ZNF423: variants seen among roughly 807,000 people sequenced by gnomAD.
ZNF423 encodes the protein zinc finger protein 423.
ZNF423 carries 12 observed loss-of-function variants against 95.8 expected under a neutral mutation model. The ratio of observed to expected loss-of-function variants is 0.13; its 90% CI spans 0.08 to 0.20. The LOEUF (loss-of-function observed/expected upper bound fraction) is 0.20, where lower values mean the gene tolerates loss of function less well. Ranked by LOEUF, ZNF423 falls within the 10% of genes least tolerant of loss-of-function variation. ZNF423 has a pLI of 1.00. For missense variants in ZNF423, 1,316 were observed against 1,737.1 expected (o/e 0.76, Z 4.31); for synonymous variants, 749 against 711.9 (o/e 1.05, Z -0.83).
chr16:49,638,972 T>G lies in ZNF423; in HGVS notation c.302-98A>C. The G allele has an allele frequency of 3.4e-6, 5 of 1,460,548 alleles. No individual in the cohort carries two copies. Among genetic ancestry groups the G allele is most frequent in the Non-Finnish European group, 4.5e-6 (5 of 1,108,712 alleles). 90.5% of individuals were successfully genotyped at this position (1,460,548 alleles called of 1,614,324 possible). ...CTCGACAGCACGCGGGCTGAGGCTG[T>G]GCAGCTGGCCAACGGCTGCAGGGGG... is the stretch of plus-strand genomic sequence containing the variant. On this transcript the variant is annotated intron_variant, in intron 3 of 7. Transcript: ENST00000563137. This position sits in a 1 kb window ranked among gnomAD's most constrained non-coding sequence, Gnocchi z 5.6.
intron 1 of ZNF423, among the ~76,000 whole-genome samples, chr16:49,813,002 C>A (rs2034777986): frequency 1.3e-5 from 2 of 152,026 alleles, no homozygotes; most frequent in Admixed American, 1.3e-4. Flanking sequence ...CTACTTAAAC[C>A]CCCTGCCACA....
At chr16:49,597,417 A>T (rs944348203) in intron 5 of ZNF423, among the ~76,000 whole-genome samples, 6 of 152,236 alleles carry the variant, frequency 3.9e-5, no homozygotes, top group East Asian at 1.9e-4. Flanking sequence ...AAAGAATGTT[A>T]AAAAAGTCTC....
chr16:49,622,338 C>T (rs188448740), intron 5 of ZNF423, among the ~76,000 whole-genome samples: 1 of 152,122 alleles, frequency 6.6e-6, no homozygotes, highest in African/African-American at 2.4e-5. Flanking sequence ...CTCCATGGCT[C>T]ACCCCAACCC....
At chr16:49,566,099 C>G (rs1970178850) in intron 5 of ZNF423, among the ~76,000 whole-genome samples, 1 of 152,142 alleles carries the variant, frequency 6.6e-6, no homozygotes, top group South Asian at 2.1e-4. Context: ...CCAGTGGAGA[C>G]ATTCAGAGGA....
rs1361842101 is a variant in ZNF423, at chr16:49,685,996, G to A, written c.301+44775C>T. ...CCCCATAATTTCTATTCATTGTTTC[G>A]CCCTCGTTTCCAGTGTCCATTCTTC... On this transcript the variant is annotated intron_variant, in intron 3 of 7. Transcript: ENST00000563137. Among the ~76,000 whole-genome samples, 10 of 152,048 alleles carry A rather than the reference G, an allele frequency of 6.6e-5. No individual in the cohort carries two copies. In the East Asian group the frequency reaches 1.4e-3, roughly 21 times the overall value.
intron 1 of ZNF423, among the ~76,000 whole-genome samples, chr16:49,824,813 C>T (rs1369164512): frequency 6.6e-6 from 1 of 152,152 alleles, no homozygotes; most frequent in African/African-American, 2.4e-5. Context: ...CAGAAAAGGA[C>T]GAGATTCCAG....
intron 1 of ZNF423, among the ~76,000 whole-genome samples, chr16:49,827,936 T>TA (rs1196239102): frequency 4.3e-4 from 66 of 152,342 alleles, no homozygotes; most frequent in Non-Finnish European, 4.1e-4. Flanking sequence ...ACACATTTAT[T>TA]AAAGCAGCCC....
intron 5 of ZNF423, among the ~76,000 whole-genome samples, chr16:49,620,558 CAG>C (rs1454806815): frequency 6.6e-6 from 1 of 152,176 alleles, no homozygotes; most frequent in African/African-American, 2.4e-5. Flanking sequence ...GGCTGCCCGC[CAG>C]AGAGTCCACA....
chr16:49,772,904 C>T (rs1265067841), intron 2 of ZNF423, among the ~76,000 whole-genome samples: 1 of 152,224 alleles, frequency 6.6e-6, no homozygotes, highest in African/African-American at 2.4e-5. Context: ...CACAGTTCCA[C>T]ATGGCTGGGG....
intron 2 of ZNF423, among the ~76,000 whole-genome samples, chr16:49,776,569 G>A (rs4785190): frequency 0.16 from 24,608 of 152,220 alleles, 2,093 homozygotes; most frequent in South Asian, 0.26. Context: ...CCCCAGCCCC[G>A]ACCCTGGGGA....
rs774680380 is a variant in ZNF423 at position 49,637,484 on chromosome 16, C to T, written c.1692G>A (p.Thr564=). ...AKLESPVVQP[T]QSFMEVYSCP... ...AGGAATAGACCTCCATGAAGGACTG[C>T]GTGGGCTGCACCACCGGAGACTCTA... Residue 564 remains threonine, a synonymous_variant, in exon 4 of 8, where the codon ACG becomes ACA. Transcript: ENST00000563137. The surrounding 1 kb of genome is among the most constrained non-coding windows in gnomAD (Gnocchi z 5.6). 5.6e-6 allele frequency: 9 copies of T among 1,613,678 alleles called. No individual in the cohort carries two copies. Among genetic ancestry groups the T allele is most frequent in the South Asian group, 5.5e-5 (5 of 91,042 alleles).
At chr16:49,630,577 A>G (rs1972462827) in intron 4 of ZNF423, among the ~76,000 whole-genome samples, 1 of 151,982 alleles carries the variant, frequency 6.6e-6, no homozygotes, top group Non-Finnish European at 1.5e-5. Context: ...CGGGCAGATG[A>G]CCACGTCCCC....
At chr16:49,692,981 G>A (rs578144844) in intron 3 of ZNF423, among the ~76,000 whole-genome samples, 29 of 152,362 alleles carry the variant, frequency 1.9e-4, no homozygotes, top group African/African-American at 3.8e-4. Flanking sequence ...AAAAGCAATC[G>A]TAGAATGCCT....
At chr16:49,702,462 G>A (rs902646623) in intron 3 of ZNF423, among the ~76,000 whole-genome samples, 4 of 152,290 alleles carry the variant, frequency 2.6e-5, no homozygotes, top group East Asian at 1.9e-4. Context: ...TATCCCTGCC[G>A]AGGGCTTTAC....
intron 7 of ZNF423, among the ~76,000 whole-genome samples, chr16:49,503,613 C>T (rs1226040331): frequency 1.3e-5 from 2 of 152,176 alleles, no homozygotes; most frequent in Non-Finnish European, 2.9e-5. Flanking sequence ...CCACAGACTC[C>T]CATCACAACA....
intron 1 of ZNF423, among the ~76,000 whole-genome samples, chr16:49,845,185 G>C (rs1159674273): frequency 6.6e-6 from 1 of 151,856 alleles, no homozygotes; most frequent in Non-Finnish European, 1.5e-5. Context: ...TGTCACCCAG[G>C]CTGGAGTGCA....
At position 49,635,783 on chromosome 16, in the gene ZNF423, G is replaced by C. The variant is rs61755180; in HGVS notation, c.3393C>G (p.Pro1131=). 2 of 1,612,540 alleles carry C rather than the reference G, an allele frequency of 1.2e-6. No homozygotes were observed. Among genetic ancestry groups the C allele is most frequent in the Non-Finnish European group, 1.7e-6 (2 of 1,179,804 alleles). Residue 1131 remains proline (P), a synonymous_variant, in exon 4 of 8, where the codon CCC becomes CCG. Coordinates refer to ENST00000563137, the MANE Select transcript of ZNF423 (RefSeq NM_001379286.1). The surrounding 1 kb of genome is among the most constrained non-coding windows in gnomAD (Gnocchi z 4.8). ...CACTCTCAAACTTGACACTGCACTC[G>C]GGGCAACGGAGGCCGGCACAGGGCC... is the stretch of plus-strand genomic sequence containing the variant. ...ADRPCAGLRC[P]ECSVKFESAE...
At position 49,499,828 on chromosome 16, in the gene ZNF423, A is replaced by G. The variant is rs368821957; in HGVS notation, c.3850-8524T>C. 1.4e-4 allele frequency among the ~76,000 whole-genome samples: 22 copies of G among 152,340 alleles called. 1 individual carries two copies. The East Asian group carries it at 3.3e-3, about 23-fold the overall frequency. On this transcript the variant is annotated intron_variant, in intron 7 of 7. Transcript: ENST00000563137. ...GGTTCTGTACTGCTGTACTTTGGAA[A>G]TAAAACCCACCAGGGGATAGATTAT...
In ZNF423 at chr16:49,488,912, AC is replaced by A; in HGVS notation, c.*2362del. 1 of 152,602 alleles carries A rather than the reference AC, an allele frequency of 6.6e-6. No individual in the cohort carries two copies. Among genetic ancestry groups the A allele is most frequent in the East Asian group, 1.9e-4 (1 of 5,182 alleles). The allele number at this position is 152,602 out of a possible 1,614,324, so 9.5% of individuals were successfully genotyped here. A position where few individuals can be genotyped will look rare whatever the true frequency, so the allele number is the denominator to read the frequency against. Reference sequence around the variant, plus strand: ...CAGCAGGGACAGAGCCAGCCGGAGAACAATGCGGCCGGGGTGAGGGGGGAGT... The same window carrying A: ...CAGCAGGGACAGAGCCAGCCGGAGAAAATGCGGCCGGGGTGAGGGGGGAGT... On this transcript the variant is annotated 3_prime_UTR_variant, in exon 8 of 8. Transcript: ENST00000563137.
Sources: allele counts gnomAD v4.1 joint callset (sites outside exome capture counted in the v4.1 genomes callset), GRCh38; gene constraint gnomAD v4.1.1; non-coding constraint Gnocchi (gnomAD v3.1); transcripts MANE v1.5; gene names NCBI Gene and HGNC (gene_info 2026-07-23, HGNC 2026-07-21).